ZNF280D: variants seen among roughly 807,000 people sequenced by gnomAD.
The protein encoded by ZNF280D is zinc finger protein 280D, also known as suppressor of hairy wing homolog 4.
In ZNF280D, 39 loss-of-function variants were observed where a neutral mutation model predicts 94.7. That is an observed-to-expected ratio of 0.41 (90% CI 0.32 to 0.54). The LOEUF (loss-of-function observed/expected upper bound fraction) is 0.54. Among genes scored for constraint, ZNF280D ranks in the 20% least tolerant of loss-of-function variants. The pLI, the probability that ZNF280D is intolerant of heterozygous loss-of-function variation, is 0.22. For synonymous variants in ZNF280D, 398 were observed against 377.6 expected, an observed-to-expected ratio of 1.05 and a Z score of -0.63; for missense variants, 1,090 against 1,149.3, an observed-to-expected ratio of 0.95 and a Z score of 0.75.
Position 56,635,226 on chromosome 15 carries a change from C to T in ZNF280D, c.2284G>A (p.Glu762Lys). 2 of 1,556,888 alleles carry T rather than the reference C, an allele frequency of 1.3e-6. No individual in the cohort carries two copies. The highest frequency in any genetic ancestry group is 1.7e-6 in the Non-Finnish European group (2 of 1,154,330). ...GAATTTGATGTTTCTGTTTCTCTTT[C>T]AGCCATGTTAGGTCTTGCAATTTCC... ...SKEIARPNMAERETETSNSES... is the reference protein window; with the variant it reads ...SKEIARPNMAKRETETSNSES... Residue 762 changes from glutamate (E) to lysine (K), a missense_variant, in exon 21 of 22, where the codon GAA becomes AAA. Around this residue, in one of 3 missense-constraint regions of ZNF280D, gnomAD observed 577 missense variants for 568.8 expected, o/e 1.01. Transcript: ENST00000267807.
rs545706707 is a variant in ZNF280D, at chr15:56,659,551, C to A, written c.1995-1065G>T. The stretch of plus-strand genomic sequence containing the variant: ...TTACTGTGTGTAATTTATAAATAAA[C>A]CTTTATTATACATAGTATGTATAGG... On this transcript the variant is annotated intron_variant, in intron 16 of 21. Transcript: ENST00000267807. 2.9e-4 allele frequency among the ~76,000 whole-genome samples: 44 copies of A among 151,872 alleles called. No individual in the cohort carries two copies. In the South Asian group the frequency reaches 9.0e-3, roughly 31 times the overall value.
At chr15:56,681,070 G>T (rs1457351180) in intron 10 of ZNF280D, among the ~76,000 whole-genome samples, 1 of 152,092 alleles carries the variant, frequency 6.6e-6, no homozygotes, top group Non-Finnish European at 1.5e-5. Flanking sequence ...ATAAGAGGAG[G>T]TAAAGAAATA....
intron 6 of ZNF280D, among the ~76,000 whole-genome samples, chr15:56,697,371 G>C (rs1264009865): frequency 1.3e-5 from 2 of 152,146 alleles, no homozygotes; most frequent in African/African-American, 4.8e-5. Flanking sequence ...TTTTAGTAGA[G>C]ACAGGGTTTT....
chr15:56,710,899 A>C (rs2057723884), intron 1 of ZNF280D, among the ~76,000 whole-genome samples: 1 of 152,180 alleles, frequency 6.6e-6, no homozygotes, highest in Admixed American at 6.5e-5. Context: ...CTACAACTGT[A>C]GTATCTGCAC....
intron 16 of ZNF280D, among the ~76,000 whole-genome samples, chr15:56,659,112 C>T (rs2053738581): frequency 6.8e-6 from 1 of 147,494 alleles, no homozygotes; most frequent in South Asian, 2.1e-4. Flanking sequence ...CCTCAGTCTC[C>T]TGGGTAGCTG....
intron 16 of ZNF280D, among the ~76,000 whole-genome samples, chr15:56,660,638 T>C (rs1488559354): frequency 6.6e-6 from 1 of 152,138 alleles, no homozygotes; most frequent in Non-Finnish European, 1.5e-5. Context: ...GAAAGGTTTT[T>C]TATTACAATA....
chr15:56,704,105 A>G lies in ZNF280D; in HGVS notation c.175+16T>C. 6.2e-7 allele frequency: 1 copy of G among 1,612,664 alleles called. No homozygotes were observed. ...ATACCTTATAAAGCTTGGTTTCACTAAAAGTAAATGCTTACTTGAAATTGC... is the reference window on the plus strand; with the variant it reads ...ATACCTTATAAAGCTTGGTTTCACTGAAAGTAAATGCTTACTTGAAATTGC... On this transcript the variant is annotated intron_variant, in intron 4 of 21. Transcript: ENST00000267807.
intron 1 of ZNF280D, among the ~76,000 whole-genome samples, chr15:56,731,797 TAA>T (rs1336239530): frequency 1.3e-5 from 2 of 152,156 alleles, no homozygotes; most frequent in Non-Finnish European, 2.9e-5. Flanking sequence ...GCGTTAAAAC[TAA>T]GTGTTCAAAT....
intron 7 of ZNF280D, among the ~76,000 whole-genome samples, chr15:56,689,845 A>C (rs1277435061): frequency 6.6e-6 from 1 of 152,124 alleles, no homozygotes; most frequent in Non-Finnish European, 1.5e-5. Context: ...AAGTGCATTG[A>C]GTACACTAGA....
At position 56,658,339 on chromosome 15, in the gene ZNF280D, T is replaced by C. The variant is rs535282503; in HGVS notation, c.2057+85A>G. On this transcript the variant is annotated intron_variant, in intron 17 of 21. Transcript: ENST00000267807. ...CATAAATTGTATGGTATGCTAATTC[T>C]ACCTCAATAAAGCTGTTGTGTTAAA... The C allele has an allele frequency of 1.4e-5, 13 of 921,864 alleles. No individual in the cohort carries two copies. The South Asian group carries it at 1.6e-4, about 11-fold the overall frequency. 57.1% of individuals were successfully genotyped at this position (921,864 alleles called of 1,614,324 possible).
At chr15:56,638,442 G>T (rs1596322947) in intron 20 of ZNF280D, among the ~76,000 whole-genome samples, 1 of 152,308 alleles carries the variant, frequency 6.6e-6, no homozygotes. Context: ...CACTTTTGGT[G>T]CAGTATCAAA....
Position 56,669,707 on chromosome 15 carries a change from C to T in ZNF280D, c.1411-750G>A, listed in dbSNP as rs80333667. Among the ~76,000 whole-genome samples, 126 of 144,720 alleles carry T rather than the reference C, an allele frequency of 8.7e-4. 1 individual carries two copies. The East Asian group carries it at 0.014, about 17-fold the overall frequency. 94.9% of individuals were successfully genotyped at this position (144,720 alleles called of 152,430 possible). On this transcript the variant is annotated intron_variant, in intron 13 of 21. Transcript: ENST00000267807. ...CCCCTTGACTGAGTCCCTCCTCAAA[C>T]CCAGTCCTGTCATTATTCTACAGAT...
rs1361682784 is a variant in ZNF280D, at chr15:56,700,928, C to G, written c.381+5G>C. 6.2e-7 allele frequency: 1 copy of G among 1,613,706 alleles called. No individual in the cohort carries two copies. Among genetic ancestry groups the G allele is most frequent in the Non-Finnish European group, 8.5e-7 (1 of 1,179,840 alleles). ...AGCTGGCCGTATAGTTTTAGAAACA[C>G]TTACAGGTTTAGAAAAAGGCTGAAC... On this transcript the variant is annotated splice_donor_5th_base_variant and intron_variant, in intron 6 of 21. Coordinates refer to ENST00000267807, the MANE Select transcript of ZNF280D (RefSeq NM_017661.4).
chr15:56,720,610 A>T (rs1284254582), intron 1 of ZNF280D, among the ~76,000 whole-genome samples: 1 of 152,176 alleles, frequency 6.6e-6, no homozygotes, highest in Non-Finnish European at 1.5e-5. Context: ...CATAATCTAC[A>T]GCAGTTACAC....
intron 1 of ZNF280D, among the ~76,000 whole-genome samples, chr15:56,726,736 T>A (rs866379435): frequency 1.3e-5 from 2 of 152,230 alleles, no homozygotes; most frequent in African/African-American, 4.8e-5. Flanking sequence ...AGTTTTCTTA[T>A]AGTTTTGCAA....
At chr15:56,686,835 TA>T (rs35241886) in intron 9 of ZNF280D, among the ~76,000 whole-genome samples, 67,738 of 151,888 alleles carry the variant, frequency 0.45, 15,979 homozygotes, top group African/African-American at 0.61. Flanking sequence ...TGAGAAAAAA[TA>T]ATCTTAAAGA....
intron 13 of ZNF280D, among the ~76,000 whole-genome samples, chr15:56,671,058 A>G (rs11635333): frequency 0.49 from 74,718 of 151,820 alleles, 19,954 homozygotes; most frequent in East Asian, 0.61. Context: ...TAAATTCCTT[A>G]TAGATGTAGA....
intron 16 of ZNF280D, 132 bp downstream of exon 16, chr15:56,666,263 G>A (rs921089795): frequency 2.4e-6 from 2 of 828,672 alleles, no homozygotes; most frequent in East Asian, 2.9e-5. Context: ...TATCCTAAAA[G>A]TTCCTTATTG....
At chr15:56,725,471 G>A (rs766851810) in intron 1 of ZNF280D, among the ~76,000 whole-genome samples, 1 of 152,094 alleles carries the variant, frequency 6.6e-6, no homozygotes, top group Non-Finnish European at 1.5e-5. Context: ...GAGTGGTATT[G>A]TTTTACATTT....
Sources: gnomAD v4.1 joint callset for allele counts (sites outside exome capture counted in the v4.1 genomes callset) on GRCh38, gnomAD v4.1.1 for gene constraint, gnomAD v4.1.1 regional missense constraint, MANE v1.5 for transcripts, NCBI Gene and HGNC (gene_info 2026-07-23, HGNC 2026-07-21) for gene names.